IQSEC1: variants seen among roughly 807,000 people sequenced by gnomAD.
IQSEC1 encodes IQ motif and Sec7 domain ArfGEF 1.
In IQSEC1, 31 loss-of-function variants were observed where a neutral mutation model predicts 91.0. The ratio of observed to expected loss-of-function variants is 0.34; its 90% CI spans 0.26 to 0.46. The LOEUF (loss-of-function observed/expected upper bound fraction) is 0.46. IQSEC1 is among the 20% of genes least tolerant of loss of function. The pLI, the probability that IQSEC1 is intolerant of heterozygous loss-of-function variation, is 1.00. For missense variants in IQSEC1, 1,388 were observed against 1,575.6 expected (o/e 0.88, Z 2.02); for synonymous variants, 699 against 662.6 (o/e 1.05, Z -0.84).
chr3:13,167,209 G>A (rs1693514014), intron 1 of IQSEC1, among the ~76,000 whole-genome samples: 1 of 152,178 alleles, frequency 6.6e-6, no homozygotes, highest in South Asian at 2.1e-4. Context: ...GATGATCCCC[G>A]ATGCTTTTGC....
upstream of IQSEC1, among the ~76,000 whole-genome samples, chr3:13,074,498 T>A (rs767246005): frequency 6.6e-6 from 1 of 152,206 alleles, no homozygotes; most frequent in Non-Finnish European, 1.5e-5. Context: ...CCCAGACCTA[T>A]CTCAGAGGCA....
chr3:12,901,174 TGTGCTGGGGTGG>T lies in IQSEC1; in HGVS notation c.3142_3153del (p.Pro1048_His1051del), dbSNP rs767938307. 2.6e-5 allele frequency: 40 copies of T among 1,541,156 alleles called. 1 individual carries two copies. In the South Asian group the frequency reaches 4.7e-4, roughly 18 times the overall value. Reference sequence around the variant, plus strand: ...TGGTGGTACTGGTGTGCGTGCTGGATGTGCTGGGGTGGGTGGTGGTGGTGGTGATGGTGGTAC... The same window carrying T: ...TGGTGGTACTGGTGTGCGTGCTGGATGTGGTGGTGGTGGTGATGGTGGTAC... On this transcript the variant is annotated inframe_deletion, in exon 14 of 14. Transcript: ENST00000613206.
At chr3:13,254,689 C>T (rs1695256442) in intron 1 of IQSEC1, among the ~76,000 whole-genome samples, 1 of 152,250 alleles carries the variant, frequency 6.6e-6, no homozygotes, top group Admixed American at 6.5e-5. Context: ...GTTTTCCTCC[C>T]TCCTCCTCCA....
intron 1 of IQSEC1, among the ~76,000 whole-genome samples, chr3:13,187,501 A>G (rs1693955768): frequency 6.6e-6 from 1 of 152,210 alleles, no homozygotes; most frequent in Non-Finnish European, 1.5e-5. Flanking sequence ...ATATTTACAT[A>G]TATTTTATTT....
chr3:13,227,686 C>T (rs192069101), intron 1 of IQSEC1, among the ~76,000 whole-genome samples: 21 of 152,108 alleles, frequency 1.4e-4, no homozygotes, highest in Admixed American at 1.3e-3. Context: ...AGTGCCGGGG[C>T]CAGGTGGGGC....
At chr3:12,962,337 A>G (rs966661482) in intron 1 of IQSEC1, among the ~76,000 whole-genome samples, 1 of 152,200 alleles carries the variant, frequency 6.6e-6, no homozygotes, top group Admixed American at 6.5e-5. Flanking sequence ...CCAGCCAGAA[A>G]TAGAAAAGCA....
intron 12 of IQSEC1, among the ~76,000 whole-genome samples, chr3:12,906,695 G>A (rs1004579379): frequency 8.5e-5 from 13 of 152,228 alleles, no homozygotes; most frequent in African/African-American, 3.1e-4. Flanking sequence ...GGGCCGGCAC[G>A]TGGCTGTCCA....
intron 1 of IQSEC1, among the ~76,000 whole-genome samples, chr3:13,228,465 G>T (rs1694794069): frequency 6.6e-6 from 1 of 152,214 alleles, no homozygotes; most frequent in Non-Finnish European, 1.5e-5. Context: ...ATTAAAGACA[G>T]CAGGCACCAA....
intron 1 of IQSEC1, among the ~76,000 whole-genome samples, chr3:13,212,193 C>T (rs1475955957): frequency 2.0e-5 from 3 of 152,208 alleles, no homozygotes; most frequent in African/African-American, 7.2e-5. Context: ...GCCTCCTCTG[C>T]CCCAGCCCCT....
intron 1 of IQSEC1, among the ~76,000 whole-genome samples, chr3:13,070,167 G>A (rs1216722781): frequency 6.6e-6 from 1 of 152,238 alleles, no homozygotes; most frequent in Non-Finnish European, 1.5e-5. Context: ...GCACAGGGCC[G>A]CTGGAGCAAG....
At chr3:13,270,557 C>T (rs944540647) in intron 1 of IQSEC1, among the ~76,000 whole-genome samples, 1 of 152,140 alleles carries the variant, frequency 6.6e-6, no homozygotes. Context: ...CCAGATCCTG[C>T]CCCTGTCTTT....
rs960965062 is a variant in IQSEC1, at chr3:13,022,322, G to A, written c.23+50670C>T. The A allele has an allele frequency of 4.1e-5, 49 of 1,200,608 alleles. No homozygotes were observed. The South Asian group carries it at 7.8e-4, about 19-fold the overall frequency. The allele number at this position is 1,200,608 out of a possible 1,614,324, so 74.4% of individuals were successfully genotyped here. On this transcript the variant is annotated intron_variant, in intron 1 of 13. Transcript: ENST00000613206. Reference sequence around the variant, plus strand: ...TGAGCCACAGGCCCCACTATCCACCGGCCAGCCTCTGTGCCCTGGTCCTGT... The same window carrying A: ...TGAGCCACAGGCCCCACTATCCACCAGCCAGCCTCTGTGCCCTGGTCCTGT...
intron 12 of IQSEC1, among the ~76,000 whole-genome samples, chr3:12,903,511 C>T (rs1308250962): frequency 6.6e-6 from 1 of 152,246 alleles, no homozygotes; most frequent in African/African-American, 2.4e-5. Context: ...GGCCACAAAG[C>T]CTTCCCTAAG....
At chr3:13,060,276 T>G (rs961399767) in intron 1 of IQSEC1, among the ~76,000 whole-genome samples, 3 of 151,870 alleles carry the variant, frequency 2.0e-5, no homozygotes, top group African/African-American at 7.3e-5. Flanking sequence ...TCTGTGCATG[T>G]TGGGATGCAA....
intron 2 of IQSEC1, among the ~76,000 whole-genome samples, chr3:13,161,066 G>C (rs116071556): frequency 1.3e-5 from 2 of 152,296 alleles, no homozygotes; most frequent in East Asian, 1.9e-4. Context: ...AGGGATCTTC[G>C]GGGGGTGGAG....
intron 1 of IQSEC1, among the ~76,000 whole-genome samples, chr3:13,070,691 A>G (rs937079529): frequency 3.9e-5 from 6 of 152,334 alleles, no homozygotes; most frequent in Admixed American, 3.9e-4. Context: ...TCTGGTGCCA[A>G]TAGGTTTGGT....
chr3:13,157,093 C>T (rs1707097894), intron 2 of IQSEC1, among the ~76,000 whole-genome samples: 1 of 152,220 alleles, frequency 6.6e-6, no homozygotes, highest in African/African-American at 2.4e-5. Context: ...CTGTCCCAAA[C>T]ACTGGACCTG....
chr3:13,033,954 C>T (rs982900917), intron 1 of IQSEC1, among the ~76,000 whole-genome samples: 4 of 152,224 alleles, frequency 2.6e-5, no homozygotes, highest in Admixed American at 6.5e-5. Context: ...GAGATGAACA[C>T]GGTGTTCCCG....
In IQSEC1 at chr3:12,935,038, T is replaced by C. The variant is rs1292113643; in HGVS notation, c.1568+410A>G. The stretch of plus-strand genomic sequence containing the variant: ...TCGCCTGTCTGCCCCTGCCCCCCAC[T>C]GACACAACCGGTCATACCCCTGCTC... On this transcript the variant is annotated intron_variant, in intron 3 of 13. Coordinates refer to ENST00000613206, the MANE Select transcript of IQSEC1 (RefSeq NM_001134382.3). The surrounding 1 kb of genome is among the most constrained non-coding windows in gnomAD (Gnocchi z 8.0). Among the ~76,000 whole-genome samples the C allele has an allele frequency of 6.6e-6, 1 of 151,178 alleles. No homozygotes were observed. Among genetic ancestry groups the C allele is most frequent in the Non-Finnish European group, 1.5e-5 (1 of 67,780 alleles).
Sources: allele counts gnomAD v4.1 joint callset (sites outside exome capture counted in the v4.1 genomes callset), GRCh38; gene constraint gnomAD v4.1.1; non-coding constraint Gnocchi (gnomAD v3.1); transcripts MANE v1.5; gene names NCBI Gene and HGNC (gene_info 2026-07-23, HGNC 2026-07-21).